Variants in ACP7 observed in about 807,000 individuals in gnomAD.
The protein encoded by ACP7 is acid phosphatase type 7.
A neutral mutation model predicts 60.6 loss-of-function variants in ACP7; 58 were observed. The ratio of observed to expected loss-of-function variants is 0.96; its 90% CI spans 0.77 to 1.19. The LOEUF (loss-of-function observed/expected upper bound fraction) is 1.19. ACP7 is among the 50% of genes most tolerant of loss of function. ACP7 has a pLI of 0.00. For synonymous variants in ACP7, 237 were observed against 232.6 expected (o/e 1.02, Z -0.17); for missense variants, 574 against 596.2 (o/e 0.96, Z 0.39).
At position 39,085,483 on chromosome 19, in the gene ACP7, C is replaced by G; in HGVS notation, c.121+93C>G. ...CTCAGGAATCCCACACTGTGAGCCCCTAGGCGGGTGGCTCATTCCTCCTGA... is the reference window on the plus strand; with the variant it reads ...CTCAGGAATCCCACACTGTGAGCCCGTAGGCGGGTGGCTCATTCCTCCTGA... On this transcript the variant is annotated intron_variant, in intron 2 of 12. Coordinates refer to ENST00000331256, the MANE Select transcript of ACP7 (RefSeq NM_001004318.3). 3 of 1,463,940 alleles carry G rather than the reference C, an allele frequency of 2.0e-6. No individual in the cohort carries two copies. In the South Asian group the frequency reaches 4.3e-5, roughly 21 times the overall value. The allele number at this position is 1,463,940 out of a possible 1,614,324, so 90.7% of individuals were successfully genotyped here.
At chr19:39,094,858 T>G (rs1361569577) in intron 2 of ACP7, among the ~76,000 whole-genome samples, 2 of 152,090 alleles carry the variant, frequency 1.3e-5, no homozygotes, top group Non-Finnish European at 2.9e-5. Flanking sequence ...TGGGGAGGCC[T>G]GAGAATCATG....
Position 39,098,969 on chromosome 19 carries a change from G to C in ACP7, c.332G>C (p.Cys111Ser). The change falls in exon 4 of 13, where the codon TGT becomes TCT. Residue 111 changes from cysteine to serine, a missense_variant. By Grantham distance (112) the Cys-to-Ser change is moderately radical. Transcript: ENST00000331256. ...LLPGVQYVYR[C>S]GSAQGWSRRF... ...TTCCTCTCCCATTCAGTTTATCGCT[G>C]TGGCAGTGCGCAGGGCTGGAGCCGT... 1 of 1,612,782 alleles carries C rather than the reference G, an allele frequency of 6.2e-7. No homozygotes were observed. Among genetic ancestry groups the C allele is most frequent in the Non-Finnish European group, 8.5e-7 (1 of 1,179,876 alleles).
intron 2 of ACP7, among the ~76,000 whole-genome samples, chr19:39,095,741 GC>G (rs2073258130): frequency 6.6e-6 from 1 of 152,232 alleles, no homozygotes; most frequent in Admixed American, 6.5e-5. Context: ...CTCCATGAGA[GC>G]CCCACCCCTA....
In ACP7 at chr19:39,100,571, T is replaced by G. The variant is rs756482760; in HGVS notation, c.630-9T>G. The G allele has an allele frequency of 4.4e-5, 71 of 1,613,670 alleles. 1 individual carries two copies. The South Asian group carries it at 6.5e-4, about 15-fold the overall frequency. On this transcript the variant is annotated splice_polypyrimidine_tract_variant and intron_variant, in intron 5 of 12. Coordinates refer to ENST00000331256, the MANE Select transcript of ACP7 (RefSeq NM_001004318.3). Reference sequence around the variant, plus strand: ...TTCACCTCCATCCCTTGTACTTCCTTTATTCCAGCAACTTCTCTAACTACA... The same window carrying G: ...TTCACCTCCATCCCTTGTACTTCCTGTATTCCAGCAACTTCTCTAACTACA...
At chr19:39,102,410 T>C (rs1160492942) in intron 11 of ACP7, among the ~76,000 whole-genome samples, 1 of 151,028 alleles carries the variant, frequency 6.6e-6, no homozygotes, top group Non-Finnish European at 1.5e-5. Flanking sequence ...GGAGTCTTGC[T>C]CTGTTGCCCA....
intron 2 of ACP7, among the ~76,000 whole-genome samples, chr19:39,087,902 G>T (rs1353281806): frequency 3.3e-5 from 5 of 152,086 alleles, no homozygotes; most frequent in Non-Finnish European, 5.9e-5. Flanking sequence ...CCAAAATGCT[G>T]GGATTACAGG....
At chr19:39,084,739 G>A (rs1295069049) in intron 1 of ACP7, among the ~76,000 whole-genome samples, 2 of 152,004 alleles carry the variant, frequency 1.3e-5, no homozygotes, top group Non-Finnish European at 2.9e-5. Context: ...CTAACAGCAG[G>A]ATGGAAAGCT....
chr19:39,102,719 C>CTT (rs1405363568), intron 11 of ACP7, among the ~76,000 whole-genome samples: 1 of 67,276 alleles, frequency 1.5e-5, no homozygotes, highest in Non-Finnish European at 3.2e-5. Flanking sequence ...GAAGACTTTT[C>CTT]TTTCTTTCTT....
intron 11 of ACP7, among the ~76,000 whole-genome samples, chr19:39,106,305 G>C (rs945455480): frequency 6.6e-6 from 1 of 152,126 alleles, no homozygotes; most frequent in Non-Finnish European, 1.5e-5. Flanking sequence ...CCATCTTTCT[G>C]TATCACCCCG....
rs58293250 is a variant in ACP7, at chr19:39,103,441, G to GTTTTT, written c.1113+1925_1113+1929dup. Among the ~76,000 whole-genome samples the GTTTTT allele has an allele frequency of 3.0e-3, 192 of 64,710 alleles. 9 individuals carry two copies. Among genetic ancestry groups the GTTTTT allele is most frequent in the Middle Eastern group, 0.014 (1 of 70 alleles). The allele number at this position is 64,710 out of a possible 152,430, so 42.5% of individuals were successfully genotyped here. A position where few individuals can be genotyped will look rare whatever the true frequency, so the allele number is the denominator to read the frequency against. On this transcript the variant is annotated intron_variant, in intron 11 of 12. Transcript: ENST00000331256. ...TCAAAACATTCCAGGATCATCATGT[G>GTTTTT]TTTTTTTTTTTTTTTTTTTTTTTTT...
At chr19:39,093,215 CCTCTCTCTCTCTTT>C (rs2073229356) in intron 2 of ACP7, among the ~76,000 whole-genome samples, 1 of 112,080 alleles carries the variant, frequency 8.9e-6, no homozygotes, top group Non-Finnish European at 1.8e-5. Flanking sequence ...TCTTTCTCTC[CCTCTCTCTCTCTTT>C]CTCTCTCTCT....
chr19:39,095,007 T>C (rs1222901628), intron 2 of ACP7, among the ~76,000 whole-genome samples: 1 of 152,076 alleles, frequency 6.6e-6, no homozygotes, highest in Non-Finnish European at 1.5e-5. Flanking sequence ...ATTCAAATGA[T>C]CTCCCTCCAC....
At chr19:39,096,751 G>C (rs1226726863) in intron 2 of ACP7, among the ~76,000 whole-genome samples, 2 of 152,262 alleles carry the variant, frequency 1.3e-5, no homozygotes, top group African/African-American at 4.8e-5. Flanking sequence ...CATATGGCTG[G>C]GGAGGCCTCA....
At chr19:39,105,186 T>C (rs1288693882) in intron 11 of ACP7, among the ~76,000 whole-genome samples, 1 of 151,534 alleles carries the variant, frequency 6.6e-6, no homozygotes, top group Non-Finnish European at 1.5e-5. Context: ...CGGCTAATTA[T>C]TGTATTTTTA....
intron 2 of ACP7, among the ~76,000 whole-genome samples, chr19:39,093,848 T>C (rs1419059847): frequency 1.3e-5 from 2 of 152,238 alleles, no homozygotes; most frequent in African/African-American, 2.4e-5. Flanking sequence ...TATACTCTTA[T>C]GCACTTTGCT....
intron 11 of ACP7, 126 bp downstream of exon 11, chr19:39,101,663 C>T (rs8108108): frequency 0.34 from 362,587 of 1,064,764 alleles, 62,725 homozygotes; most frequent in Non-Finnish European, 0.36. Flanking sequence ...GCCCTAAGGT[C>T]GGGAACTCCT....
chr19:39,086,053 G>C (rs2073137658), intron 2 of ACP7, among the ~76,000 whole-genome samples: 1 of 152,168 alleles, frequency 6.6e-6, no homozygotes, highest in South Asian at 2.1e-4. Flanking sequence ...GCTGAGTGTG[G>C]GGGCTCACAC....
chr19:39,108,361 G>A (rs868063321), intron 12 of ACP7, among the ~76,000 whole-genome samples: 1 of 151,770 alleles, frequency 6.6e-6, no homozygotes, highest in African/African-American at 2.4e-5. Context: ...GAATGGTCTC[G>A]AACTCCTGAC....
chr19:39,098,902 T>C, intron 3 of ACP7, 58 bp from the exon 4 acceptor site: 2 of 1,018,036 alleles, frequency 2.0e-6, no homozygotes, highest in South Asian at 1.7e-5. Context: ...AAGGATGGGG[T>C]TGGAGGGAGG....
Sources: gnomAD v4.1 joint callset for allele counts (sites outside exome capture counted in the v4.1 genomes callset) on GRCh38, gnomAD v4.1.1 for gene constraint, MANE v1.5 for transcripts, NCBI Gene and HGNC (gene_info 2026-07-23, HGNC 2026-07-21) for gene names.